Variants in RASSF5 observed in about 807,000 individuals in gnomAD.
RASSF5 encodes ras association domain-containing protein 5.
Under a neutral mutation model 40.5 loss-of-function variants are expected in RASSF5, and 25 were observed. The ratio of observed to expected loss-of-function variants is 0.62; its 90% CI spans 0.45 to 0.86. RASSF5 has a LOEUF of 0.86. Ranked by LOEUF, RASSF5 falls within the 40% of genes least tolerant of loss-of-function variation. The pLI is 0.00. For missense variants in RASSF5, 521 were observed against 572.8 expected (o/e 0.91, Z 0.92); for synonymous variants, 246 against 252.4 (o/e 0.97, Z 0.24).
intron 2 of RASSF5, among the ~76,000 whole-genome samples, chr1:206,549,522 G>C (rs1667780196): frequency 6.6e-6 from 1 of 152,104 alleles, no homozygotes; most frequent in African/African-American, 2.4e-5. Context: ...AAGTTGCCCA[G>C]GCTGGTCTTG....
chr1:206,531,369 G>A lies in RASSF5; in HGVS notation c.458-6803G>A, dbSNP rs530315878. ...CGAGGAGATCCGGAGCAGGCGGTGA[G>A]GTTGCAGAGGGAACAACTGTGTCTA... is the stretch of plus-strand genomic sequence containing the variant. On this transcript the variant is annotated intron_variant, in intron 1 of 5. Coordinates refer to ENST00000579436, the MANE Select transcript of RASSF5 (RefSeq NM_182663.4). The surrounding 1 kb of genome is among the most constrained non-coding windows in gnomAD (Gnocchi z 4.7). 2.4e-4 allele frequency among the ~76,000 whole-genome samples: 37 copies of A among 152,346 alleles called. No homozygotes were observed. In the South Asian group the frequency reaches 7.5e-3, roughly 31 times the overall value.
chr1:206,520,324 T>C (rs1666871140), intron 1 of RASSF5, among the ~76,000 whole-genome samples: 1 of 152,130 alleles, frequency 6.6e-6, no homozygotes, highest in South Asian at 2.1e-4. Context: ...ATGGGTTTGG[T>C]GGCCGGGCGC....
intron 2 of RASSF5, chr1:206,557,555 G>A (rs782345773): frequency 1.2e-6 from 2 of 1,613,398 alleles, no homozygotes; most frequent in Non-Finnish European, 1.7e-6. Flanking sequence ...GGCGGCCTCG[G>A]CCGGGAACTC....
intron 1 of RASSF5, among the ~76,000 whole-genome samples, chr1:206,510,591 G>A (rs1040167470): frequency 3.9e-5 from 6 of 152,142 alleles, no homozygotes; most frequent in African/African-American, 1.4e-4. Context: ...GAAGCAGTGA[G>A]TACAATTTGC....
In RASSF5 at chr1:206,536,428, T is replaced by A. The variant is rs577550924; in HGVS notation, c.458-1744T>A. 2.0e-5 allele frequency among the ~76,000 whole-genome samples: 3 copies of A among 152,166 alleles called. No homozygotes were observed. In the East Asian group the frequency reaches 5.8e-4, roughly 29 times the overall value. On this transcript the variant is annotated intron_variant, in intron 1 of 5. Transcript: ENST00000579436. ...GTAGGAAGGTCGTGCGGTTCTGGGATCTCTGTGTGTCCCCACATTTGTCAG... is the reference window on the plus strand; with the variant it reads ...GTAGGAAGGTCGTGCGGTTCTGGGAACTCTGTGTGTCCCCACATTTGTCAG...
In RASSF5 at chr1:206,579,661, A is replaced by AT. The variant is rs61664382; in HGVS notation, c.580-3603dup. 0.038 allele frequency among the ~76,000 whole-genome samples: 5,730 copies of AT among 152,218 alleles called. 332 individuals are homozygous for AT. The highest frequency in any genetic ancestry group is 0.13 in the African/African-American group (5,289 of 41,518). Reference sequence around the variant, plus strand: ...GCTGCGAATTAAAATCAACTAGGAGATTTTTAAAATTCCCATGCCCAGACT... The same window carrying AT: ...GCTGCGAATTAAAATCAACTAGGAGATTTTTTAAAATTCCCATGCCCAGACT... On this transcript the variant is annotated intron_variant, in intron 2 of 5. Coordinates refer to ENST00000579436, the MANE Select transcript of RASSF5 (RefSeq NM_182663.4). This position sits in a 1 kb window ranked among gnomAD's most constrained non-coding sequence, Gnocchi z 4.2.
chr1:206,527,189 C>A (rs1375906397), intron 1 of RASSF5, among the ~76,000 whole-genome samples: 1 of 152,190 alleles, frequency 6.6e-6, no homozygotes, highest in African/African-American at 2.4e-5. Flanking sequence ...AGACCTCTAT[C>A]ACACATGTTA....
intron 3 of RASSF5, among the ~76,000 whole-genome samples, chr1:206,583,937 G>A (rs1372348555): frequency 6.6e-6 from 1 of 152,204 alleles, no homozygotes; most frequent in Non-Finnish European, 1.5e-5. Flanking sequence ...ATGCACCTAG[G>A]TTTAAGTCTT....
At chr1:206,510,083 T>G (rs1334624283) in intron 1 of RASSF5, among the ~76,000 whole-genome samples, 3 of 152,208 alleles carry the variant, frequency 2.0e-5, no homozygotes, top group African/African-American at 7.2e-5. Flanking sequence ...TGTGAACCTA[T>G]GGCTGGATGG....
chr1:206,578,213 G>A (rs1436598640), intron 2 of RASSF5, among the ~76,000 whole-genome samples: 1 of 127,634 alleles, frequency 7.8e-6, no homozygotes, highest in African/African-American at 2.9e-5. Flanking sequence ...GTGACAGAGG[G>A]AGACATCTCA....
At position 206,513,573 on chromosome 1, in the gene RASSF5, C is replaced by T. The variant is rs1666675047; in HGVS notation, c.457+5514C>T. On this transcript the variant is annotated intron_variant, in intron 1 of 5. Coordinates refer to ENST00000579436, the MANE Select transcript of RASSF5 (RefSeq NM_182663.4). The surrounding 1 kb of genome is among the most constrained non-coding windows in gnomAD (Gnocchi z 5.0). Reference sequence around the variant, plus strand: ...GGGTCTCGCTCTGTCTCTGCTGACTCTGGGCACCTGCCCCTCCCGCAGGGC... The same window carrying T: ...GGGTCTCGCTCTGTCTCTGCTGACTTTGGGCACCTGCCCCTCCCGCAGGGC... Among the ~76,000 whole-genome samples the T allele has an allele frequency of 1.3e-5, 2 of 152,222 alleles. No individual in the cohort carries two copies. The highest frequency in any genetic ancestry group is 2.4e-5 in the African/African-American group (1 of 41,462).
At chr1:206,558,599 A>G (rs553061662) in intron 2 of RASSF5, among the ~76,000 whole-genome samples, 1 of 152,210 alleles carries the variant, frequency 6.6e-6, no homozygotes, top group Non-Finnish European at 1.5e-5. Flanking sequence ...AAATTAACCA[A>G]AAACTTCCCC....
At chr1:206,569,046 G>C (rs1558516340) in intron 2 of RASSF5, among the ~76,000 whole-genome samples, 1 of 152,260 alleles carries the variant, frequency 6.6e-6, no homozygotes. Context: ...ATCTGGAGAA[G>C]GCTGGGAAGT....
chr1:206,582,415 A>G (rs1668927460), intron 2 of RASSF5, among the ~76,000 whole-genome samples: 1 of 152,196 alleles, frequency 6.6e-6, no homozygotes, highest in Non-Finnish European at 1.5e-5. Context: ...TACTGACTGT[A>G]GGGTGTGAGG....
chr1:206,584,778 T>G lies in RASSF5; in HGVS notation c.988+94T>G. ...TCCTGCCGGCCTTGGGTGGGAGCTG[T>G]GGGCTTCTCCTGAGCACCAGGGGTC... On this transcript the variant is annotated intron_variant, in intron 4 of 5. Coordinates refer to ENST00000579436, the MANE Select transcript of RASSF5 (RefSeq NM_182663.4). This position sits in a 1 kb window ranked among gnomAD's most constrained non-coding sequence, Gnocchi z 4.9. The G allele has an allele frequency of 7.2e-7, 1 of 1,382,908 alleles. No individual in the cohort carries two copies. Among genetic ancestry groups the G allele is most frequent in the Non-Finnish European group, 1.0e-6 (1 of 999,700 alleles). 85.7% of individuals were successfully genotyped at this position (1,382,908 alleles called of 1,614,324 possible). A position where few individuals can be genotyped will look rare whatever the true frequency, so the allele number is the denominator to read the frequency against.
intron 2 of RASSF5, chr1:206,580,570 C>G (rs932667654): frequency 2.6e-5 from 4 of 152,160 alleles, no homozygotes; most frequent in African/African-American, 9.7e-5. Flanking sequence ...GGATGGGGAG[C>G]TCTGGGAGCT....
chr1:206,513,851 G>C lies in RASSF5; in HGVS notation c.457+5792G>C, dbSNP rs1553395030. Among the ~76,000 whole-genome samples the C allele has an allele frequency of 6.6e-6, 1 of 152,222 alleles. No individual in the cohort carries two copies. The highest frequency in any genetic ancestry group is 6.5e-5 in the Admixed American group (1 of 15,284). On this transcript the variant is annotated intron_variant, in intron 1 of 5. Transcript: ENST00000579436. The surrounding 1 kb of genome is among the most constrained non-coding windows in gnomAD (Gnocchi z 5.0). ...CAGGCAGAAGGCTGGGTTCCCTGGG[G>C]GCACTGGTTTAAGTGGAATAAAGTC...
chr1:206,508,554 C>A (rs1264748036), intron 1 of RASSF5, among the ~76,000 whole-genome samples: 1 of 152,140 alleles, frequency 6.6e-6, no homozygotes, highest in Non-Finnish European at 1.5e-5. Context: ...CAGACCTCTC[C>A]TCCAGGGGGA....
intron 2 of RASSF5, among the ~76,000 whole-genome samples, chr1:206,564,563 C>G (rs1322756141): frequency 6.6e-6 from 1 of 152,176 alleles, no homozygotes; most frequent in African/African-American, 2.4e-5. Context: ...GGCTTTGGAT[C>G]CAACTCCCAG....
Sources: gnomAD v4.1 joint callset for allele counts (sites outside exome capture counted in the v4.1 genomes callset) on GRCh38, gnomAD v4.1.1 for gene constraint, Gnocchi (gnomAD v3.1) non-coding constraint, MANE v1.5 for transcripts, NCBI Gene and HGNC (gene_info 2026-07-23, HGNC 2026-07-21) for gene names.